Variants in DTWD1 observed in about 807,000 individuals in gnomAD.
DTWD1 encodes the protein DTW motif tRNA-uridine aminocarboxypropyltransferase 1.
In DTWD1, 27 loss-of-function variants were observed where a neutral mutation model predicts 30.2. The observed-to-expected ratio is 0.90, with a 90% CI of 0.66 to 1.23. DTWD1 has a LOEUF of 1.23. Ranked by LOEUF, DTWD1 falls within the 50% of genes most tolerant of loss-of-function variation. DTWD1 has a pLI of 0.00. For synonymous variants in DTWD1, 99 were observed against 113.1 expected, an observed-to-expected ratio of 0.88 and a Z score of 0.79; for missense variants, 342 against 348.8, an observed-to-expected ratio of 0.98 and a Z score of 0.15.
Position 49,646,856 on chromosome 15 carries a change from T to C in DTWD1, c.*3278T>C, listed in dbSNP as rs1320161279. On this transcript the variant is annotated 3_prime_UTR_variant, in exon 5 of 5. Transcript: ENST00000403028. The stretch of plus-strand genomic sequence containing the variant: ...CTTCCTCGCTCTTACCAGCCTGGAT[T>C]GTACCTTTAATAAAGTAGTGGATAT... The C allele has an allele frequency of 6.6e-6, 1 of 152,338 alleles. No individual in the cohort carries two copies. The highest frequency in any genetic ancestry group is 2.1e-4 in the South Asian group (1 of 4,832). 9.4% of individuals were successfully genotyped at this position (152,338 alleles called of 1,614,324 possible).
chr15:49,636,701 G>A (rs531229391), intron 4 of DTWD1, among the ~76,000 whole-genome samples: 303 of 152,158 alleles, frequency 2.0e-3, no homozygotes, highest in Middle Eastern at 0.014. Flanking sequence ...TATATCTATC[G>A]TTTGGGTATA....
Position 49,653,124 on chromosome 15 carries a change from A to G in DTWD1, c.*9546A>G, listed in dbSNP as rs911701347. 1.3e-5 allele frequency: 2 copies of G among 152,186 alleles called. No homozygotes were observed. The highest frequency in any genetic ancestry group is 4.8e-5 in the African/African-American group (2 of 41,452). 9.4% of individuals were successfully genotyped at this position (152,186 alleles called of 1,614,324 possible). A position where few individuals can be genotyped will look rare whatever the true frequency, so the allele number is the denominator to read the frequency against. ...ATCAGGAGTGGGGTGTTACCATAAC[A>G]AAAGGTTAAACCTTACATGGTAAAA... On this transcript the variant is annotated 3_prime_UTR_variant, in exon 5 of 5. Transcript: ENST00000403028.
chr15:49,637,929 C>T (rs1300430411), intron 4 of DTWD1, among the ~76,000 whole-genome samples: 1 of 152,254 alleles, frequency 6.6e-6, no homozygotes, highest in African/African-American at 2.4e-5. Flanking sequence ...ATTGTGTGCG[C>T]TTTGTGTCTT....
rs2079103720 is a variant in DTWD1 at position 49,644,640 on chromosome 15, A to G, written c.*1062A>G. 1 of 152,166 alleles carries G rather than the reference A, an allele frequency of 6.6e-6. No homozygotes were observed. Among genetic ancestry groups the G allele is most frequent in the Non-Finnish European group, 1.5e-5 (1 of 68,046 alleles). 9.4% of individuals were successfully genotyped at this position (152,166 alleles called of 1,614,324 possible). A position where few individuals can be genotyped will look rare whatever the true frequency, so the allele number is the denominator to read the frequency against. On this transcript the variant is annotated 3_prime_UTR_variant, in exon 5 of 5. Coordinates refer to ENST00000403028, the MANE Select transcript of DTWD1 (RefSeq NM_001144955.2). ...TTATTTCCCTGGCTCCTTTCCTGCC[A>G]TGTCATCATCAGTTGGCTGTGTTCC... is the stretch of plus-strand genomic sequence containing the variant.
intron 2 of DTWD1, among the ~76,000 whole-genome samples, chr15:49,628,492 A>G (rs553001903): frequency 6.6e-6 from 1 of 152,254 alleles, no homozygotes; most frequent in South Asian, 2.1e-4. Flanking sequence ...TAAGTACTGC[A>G]CTGTGGTGCA....
chr15:49,638,686 G>A (rs974089022), intron 4 of DTWD1, among the ~76,000 whole-genome samples: 1 of 152,092 alleles, frequency 6.6e-6, no homozygotes, highest in Admixed American at 6.6e-5. Context: ...CAGGTGTATT[G>A]GAAATTATGT....
At chr15:49,626,754 A>G (rs777131670) in intron 2 of DTWD1, 5 of 445,054 alleles carry the variant, frequency 1.1e-5, no homozygotes, top group South Asian at 7.9e-5. Context: ...TTTAGCCTAT[A>G]TCATCTTGGC....
At chr15:49,629,173 T>G (rs2078885339) in intron 2 of DTWD1, among the ~76,000 whole-genome samples, 1 of 152,218 alleles carries the variant, frequency 6.6e-6, no homozygotes, top group African/African-American at 2.4e-5. Flanking sequence ...TTTTAACATG[T>G]GTGAACTAGA....
intron 2 of DTWD1, among the ~76,000 whole-genome samples, chr15:49,628,035 T>TG (rs1296397686): frequency 1.3e-5 from 2 of 152,240 alleles, no homozygotes; most frequent in Admixed American, 6.5e-5. Flanking sequence ...TATTTCTTTA[T>TG]GCTCTTATTC....
At chr15:49,639,606 T>G (rs890129998) in intron 4 of DTWD1, among the ~76,000 whole-genome samples, 7 of 152,178 alleles carry the variant, frequency 4.6e-5, no homozygotes, top group African/African-American at 1.7e-4. Context: ...ATTATAAAGT[T>G]ACTGATTGTT....
chr15:49,628,953 A>G (rs989515678), intron 2 of DTWD1, among the ~76,000 whole-genome samples: 6 of 152,120 alleles, frequency 3.9e-5, no homozygotes, highest in African/African-American at 1.4e-4. Context: ...CATCATCTAC[A>G]TTAGGTATTG....
rs2079114412 is a variant in DTWD1, at chr15:49,645,825, T to C, written c.*2247T>C. ...GGTTCTTTTCAAAAGAAGTTAGTAA[T>C]ACCTATTAGAACAATGAATTGACTA... On this transcript the variant is annotated 3_prime_UTR_variant, in exon 5 of 5. Coordinates refer to ENST00000403028, the MANE Select transcript of DTWD1 (RefSeq NM_001144955.2). 1 of 152,176 alleles carries C rather than the reference T, an allele frequency of 6.6e-6. No individual in the cohort carries two copies. The highest frequency in any genetic ancestry group is 1.5e-5 in the Non-Finnish European group (1 of 68,018). The allele number at this position is 152,176 out of a possible 1,614,324, so 9.4% of individuals were successfully genotyped here.
In DTWD1 at chr15:49,654,641, TATC is replaced by T. The variant is rs1191130019; in HGVS notation, c.*11066_*11068del. Reference sequence around the variant, plus strand: ...TCAGTTTGGGCTAGTATAACAGAAATATCATAGATTGAGTGACTTTTTTTCTTT... The same window carrying T: ...TCAGTTTGGGCTAGTATAACAGAAATATAGATTGAGTGACTTTTTTTCTTT... On this transcript the variant is annotated 3_prime_UTR_variant, in exon 5 of 5. Coordinates refer to ENST00000403028, the MANE Select transcript of DTWD1 (RefSeq NM_001144955.2). 1.3e-5 allele frequency: 2 copies of T among 151,424 alleles called. No individual in the cohort carries two copies. Among genetic ancestry groups the T allele is most frequent in the African/African-American group, 2.4e-5 (1 of 41,170 alleles). The allele number at this position is 151,424 out of a possible 1,614,324, so 9.4% of individuals were successfully genotyped here.
At chr15:49,639,833 T>G (rs2079044920) in intron 4 of DTWD1, among the ~76,000 whole-genome samples, 1 of 152,196 alleles carries the variant, frequency 6.6e-6, no homozygotes, top group Non-Finnish European at 1.5e-5. Flanking sequence ...ATGATTAGAT[T>G]GTATTTTAAG....
chr15:49,647,570 C>A lies in DTWD1; in HGVS notation c.*3992C>A, dbSNP rs768510289. On this transcript the variant is annotated 3_prime_UTR_variant, in exon 5 of 5. Transcript: ENST00000403028. ...GGTATATTTTTTGTCTTCCATGTTA[C>A]TGGAAGCATTAATTATAGCAACTTT... 5 of 152,086 alleles carry A rather than the reference C, an allele frequency of 3.3e-5. No individual in the cohort carries two copies. The highest frequency in any genetic ancestry group is 4.8e-5 in the African/African-American group (2 of 41,418). 9.4% of individuals were successfully genotyped at this position (152,086 alleles called of 1,614,324 possible). A position where few individuals can be genotyped will look rare whatever the true frequency, so the allele number is the denominator to read the frequency against.
intron 4 of DTWD1, among the ~76,000 whole-genome samples, chr15:49,635,390 T>A (rs2078987612): frequency 6.6e-6 from 1 of 152,182 alleles, no homozygotes. Context: ...AAGAATGACA[T>A]CTCTTTTATA....
At chr15:49,641,183 T>C (rs1014611459) in intron 4 of DTWD1, among the ~76,000 whole-genome samples, 15 of 152,038 alleles carry the variant, frequency 9.9e-5, no homozygotes, top group Non-Finnish European at 2.1e-4. Flanking sequence ...TTATTTACAA[T>C]TGCTGTGAGT....
chr15:49,636,331 A>G (rs1312721182), intron 4 of DTWD1, among the ~76,000 whole-genome samples: 1 of 152,098 alleles, frequency 6.6e-6, no homozygotes, highest in East Asian at 1.9e-4. Context: ...TAAAAAAAAA[A>G]AAAAAGGATG....
intron 2 of DTWD1, among the ~76,000 whole-genome samples, chr15:49,628,830 A>C (rs1474135095): frequency 6.6e-6 from 1 of 152,136 alleles, no homozygotes; most frequent in Non-Finnish European, 1.5e-5. Context: ...AGCTTGTAAA[A>C]AAGCAAATTT....
Sources: allele counts gnomAD v4.1 joint callset (sites outside exome capture counted in the v4.1 genomes callset), GRCh38; gene constraint gnomAD v4.1.1; transcripts MANE v1.5; gene names NCBI Gene and HGNC (gene_info 2026-07-23, HGNC 2026-07-21).